TENT2: variants seen among roughly 807,000 people sequenced by gnomAD.
TENT2 encodes poly(A) RNA polymerase GLD2.
Under a neutral mutation model 72.2 loss-of-function variants are expected in TENT2, and 44 were observed. The observed-to-expected ratio is 0.61, with a 90% CI of 0.48 to 0.78. TENT2 has a LOEUF of 0.78. Ranked by LOEUF, TENT2 falls within the 30% of genes least tolerant of loss-of-function variation. The pLI is 0.00. For synonymous variants in TENT2, 212 were observed against 192.5 expected (o/e 1.10, Z -0.84); for missense variants, 541 against 569.6 (o/e 0.95, Z 0.51).
intron 7 of TENT2, 65 bp from the exon 8 acceptor site, chr5:79,645,058 G>A: frequency 7.8e-7 from 1 of 1,281,330 alleles, no homozygotes; most frequent in South Asian, 1.5e-5. Context: ...TTTAAAAAAT[G>A]TGCGTTGGAA....
At chr5:79,663,801 C>T (rs573615086) in intron 11 of TENT2, among the ~76,000 whole-genome samples, 120 of 152,226 alleles carry the variant, frequency 7.9e-4, no homozygotes, top group African/African-American at 2.8e-3. Flanking sequence ...AATGGCACTG[C>T]TGATAGACTT....
chr5:79,625,551 G>A (rs537042538), intron 4 of TENT2, among the ~76,000 whole-genome samples: 111 of 151,784 alleles, frequency 7.3e-4, no homozygotes, highest in African/African-American at 2.6e-3. Flanking sequence ...TCCCTGCCCC[G>A]CCTATGTGTT....
rs145815120 is a variant in TENT2, at chr5:79,623,382, T to C, written c.358T>C (p.Leu120=). The C allele has an allele frequency of 8.0e-4, 1,293 of 1,613,490 alleles. 1 individual carries two copies. The highest frequency in any genetic ancestry group is 1.0e-3 in the Non-Finnish European group (1,231 of 1,179,728). The change falls in exon 4 of 15, where the codon TTG becomes CTG. Residue 120 remains leucine (L), a synonymous_variant. Coordinates refer to ENST00000453514, the MANE Select transcript of TENT2 (RefSeq NM_001114394.3). ...SGERRYSMPP[L]FHTHYVPDIV... ...TGAACGAAGATACTCAATGCCACCATTGTTTCATACACATTATGTACCAGA... is the reference window on the plus strand; with the variant it reads ...TGAACGAAGATACTCAATGCCACCACTGTTTCATACACATTATGTACCAGA...
At chr5:79,665,279 T>C (rs1580565641) in intron 11 of TENT2, among the ~76,000 whole-genome samples, 1 of 152,244 alleles carries the variant, frequency 6.6e-6, no homozygotes, top group South Asian at 2.1e-4. Flanking sequence ...CGTAAATTTC[T>C]GTTTACCTGG....
chr5:79,677,835 TGTCA>T (rs1295429714), intron 12 of TENT2, among the ~76,000 whole-genome samples: 2 of 152,320 alleles, frequency 1.3e-5, no homozygotes, highest in East Asian at 3.9e-4. Context: ...GGTCTCACTT[TGTCA>T]GTCAGGCTGG....
chr5:79,638,284 C>G (rs139988631), intron 4 of TENT2, among the ~76,000 whole-genome samples: 257 of 152,136 alleles, frequency 1.7e-3, no homozygotes, highest in African/African-American at 6.0e-3. Flanking sequence ...TGGCGTCTAC[C>G]TACTAGATGC....
At chr5:79,630,092 G>A (rs1046453486) in intron 4 of TENT2, among the ~76,000 whole-genome samples, 5 of 152,166 alleles carry the variant, frequency 3.3e-5, no homozygotes, top group African/African-American at 1.2e-4. Context: ...CCAACATCGC[G>A]TCACTGTACT....
chr5:79,645,862 T>C (rs1409862760), intron 8 of TENT2, among the ~76,000 whole-genome samples: 2 of 152,116 alleles, frequency 1.3e-5, no homozygotes, highest in African/African-American at 4.8e-5. Flanking sequence ...CACACACACA[T>C]TGTTGATCCT....
intron 11 of TENT2, among the ~76,000 whole-genome samples, chr5:79,658,927 A>G (rs1799925546): frequency 6.6e-6 from 1 of 152,004 alleles, no homozygotes; most frequent in African/African-American, 2.4e-5. Context: ...TATGCTTTCC[A>G]TCTGTTTTGC....
intron 12 of TENT2, among the ~76,000 whole-genome samples, chr5:79,677,286 T>C (rs1818002433): frequency 2.0e-5 from 3 of 152,222 alleles, no homozygotes; most frequent in Admixed American, 1.3e-4. Context: ...TTTGGGTTTA[T>C]TGTACATTGA....
chr5:79,643,319 T>C (rs150608129), intron 7 of TENT2, among the ~76,000 whole-genome samples: 112 of 152,326 alleles, frequency 7.4e-4, no homozygotes, highest in African/African-American at 2.6e-3. Context: ...GCATCTTTAC[T>C]TGTTTTAAAA....
intron 11 of TENT2, among the ~76,000 whole-genome samples, chr5:79,664,969 C>T (rs548392074): frequency 1.3e-5 from 2 of 152,224 alleles, no homozygotes; most frequent in East Asian, 1.9e-4. Context: ...CATTATAGTA[C>T]CTCTACTTTA....
At chr5:79,669,110 A>C in intron 12 of TENT2, 82 bp downstream of exon 12, 1 of 1,455,196 alleles carries the variant, frequency 6.9e-7, no homozygotes, top group South Asian at 1.4e-5. Context: ...ACGAATATAT[A>C]AGTAAATGCT....
At chr5:79,677,787 T>A (rs1249702960) in intron 12 of TENT2, among the ~76,000 whole-genome samples, 1 of 152,134 alleles carries the variant, frequency 6.6e-6, no homozygotes, top group Non-Finnish European at 1.5e-5. Context: ...TTGGAAACAT[T>A]TGTGTGGATG....
intron 12 of TENT2, among the ~76,000 whole-genome samples, chr5:79,677,215 A>G (rs1016932667): frequency 7.9e-5 from 12 of 152,236 alleles, no homozygotes; most frequent in African/African-American, 2.7e-4. Context: ...TAGTGATTCA[A>G]AATATTCTTT....
chr5:79,620,106 A>G, intron 3 of TENT2, 23 bp downstream of exon 3: 2 of 1,504,256 alleles, frequency 1.3e-6, no homozygotes, highest in Non-Finnish European at 9.2e-7. Flanking sequence ...TAATTATTTT[A>G]AAAGAATATT....
At chr5:79,676,140 A>G (rs1266925981) in intron 12 of TENT2, among the ~76,000 whole-genome samples, 3 of 142,582 alleles carry the variant, frequency 2.1e-5, no homozygotes, top group Non-Finnish European at 4.5e-5. Flanking sequence ...GTATATATAC[A>G]TATATATATA....
chr5:79,659,556 GTA>G (rs71855117), intron 11 of TENT2, among the ~76,000 whole-genome samples: 1,633 of 34,228 alleles, frequency 0.048, 56 homozygotes, highest in African/African-American at 0.053. Context: ...AAAAAAAAAT[GTA>G]TATATATATA....
intron 1 of TENT2, among the ~76,000 whole-genome samples, chr5:79,617,831 T>C (rs201853397): frequency 6.6e-6 from 1 of 152,240 alleles, no homozygotes; most frequent in Admixed American, 6.5e-5. Flanking sequence ...TCTTGCCGTT[T>C]GTTTATAACA....
Sources: gnomAD v4.1 joint callset for allele counts (sites outside exome capture counted in the v4.1 genomes callset) on GRCh38, gnomAD v4.1.1 for gene constraint, MANE v1.5 for transcripts, NCBI Gene and HGNC (gene_info 2026-07-23, HGNC 2026-07-21) for gene names.